The following XKR9 variants were observed in gnomAD, a reference collection of about 807,000 sequenced individuals.
The protein encoded by XKR9 is XK related 9.
A neutral mutation model predicts 32.0 loss-of-function variants in XKR9; 32 were observed. The observed-to-expected ratio is 1.00, with a 90% CI of 0.76 to 1.34. The LOEUF (loss-of-function observed/expected upper bound fraction) is 1.34. Ranked by LOEUF, XKR9 falls within the 40% of genes most tolerant of loss-of-function variation. The pLI, the probability that XKR9 is intolerant of heterozygous loss-of-function variation, is 0.00. For synonymous variants in XKR9, 168 were observed against 143.4 expected (o/e 1.17, Z -1.22); for missense variants, 546 against 429.7 (o/e 1.27, Z -2.39).
At chr8:70,818,158 G>A in the XKR9 span, among the ~76,000 whole-genome samples, 2 of 151,846 alleles carry the variant, frequency 1.3e-5, no homozygotes, top group Non-Finnish European at 2.9e-5. Flanking sequence ...AAACTATCAA[G>A]AGAGTGTTTT....
the XKR9 span, among the ~76,000 whole-genome samples, chr8:71,038,750 CAA>C: frequency 3.9e-3 from 378 of 97,504 alleles, no homozygotes; most frequent in East Asian, 0.014. Context: ...TCTCAATTTT[CAA>C]AAAAAAAAAA....
chr8:70,772,826 G>A (rs1018280823), intron 2 of XKR9, among the ~76,000 whole-genome samples: 1 of 152,112 alleles, frequency 6.6e-6, no homozygotes, highest in Non-Finnish European at 1.5e-5. Flanking sequence ...CCAAATGTTT[G>A]TCTTCCCAAT....
chr8:70,938,621 T>G, the XKR9 span, among the ~76,000 whole-genome samples: 5 of 152,034 alleles, frequency 3.3e-5, no homozygotes, highest in African/African-American at 9.7e-5. Context: ...GGATTTAGGA[T>G]GTTGAAAGAT....
At chr8:70,810,047 G>C in the XKR9 span, among the ~76,000 whole-genome samples, 19 of 152,086 alleles carry the variant, frequency 1.2e-4, no homozygotes, top group Non-Finnish European at 2.4e-4. Flanking sequence ...AGAGAAAGGT[G>C]GGGTTACCCA....
chr8:70,842,846 T>C, the XKR9 span, among the ~76,000 whole-genome samples: 3 of 152,190 alleles, frequency 2.0e-5, no homozygotes, highest in African/African-American at 7.2e-5. Flanking sequence ...TTGAGGCTCC[T>C]TTTTCTCTCC....
chr8:70,756,101 C>T (rs184491289), intron 2 of XKR9, among the ~76,000 whole-genome samples: 3 of 151,920 alleles, frequency 2.0e-5, no homozygotes, highest in African/African-American at 7.3e-5. Context: ...ATCCAGTTAC[C>T]CCCGTACCAT....
chr8:70,899,870 A>AGCT, the XKR9 span, among the ~76,000 whole-genome samples: 1 of 152,208 alleles, frequency 6.6e-6, no homozygotes, highest in Non-Finnish European at 1.5e-5. Context: ...CTAATAACAA[A>AGCT]GCTGAGATCA....
At chr8:70,903,636 G>T in the XKR9 span, among the ~76,000 whole-genome samples, 1 of 151,770 alleles carries the variant, frequency 6.6e-6, no homozygotes, top group Non-Finnish European at 1.5e-5. Flanking sequence ...TCTCTCTCTC[G>T]TTCAATTCTG....
the XKR9 span, among the ~76,000 whole-genome samples, chr8:70,916,621 C>T: frequency 6.6e-6 from 1 of 152,138 alleles, no homozygotes; most frequent in Non-Finnish European, 1.5e-5. Flanking sequence ...AGATTAGCTT[C>T]TTATTCTTGA....
At chr8:70,778,164 C>A (rs1469950697) in intron 2 of XKR9, among the ~76,000 whole-genome samples, 1 of 152,198 alleles carries the variant, frequency 6.6e-6, no homozygotes, top group East Asian at 1.9e-4. Context: ...TTTCAGCTTT[C>A]TACATATGGC....
rs1338853877 is a variant in XKR9 at position 70,669,394 on chromosome 8, A to AGGCGTGAGGT, written c.-495_-486dup. 1.2e-5 allele frequency: 5 copies of AGGCGTGAGGT among 431,806 alleles called. No homozygotes were observed. Among genetic ancestry groups the AGGCGTGAGGT allele is most frequent in the Non-Finnish European group, 1.7e-5 (4 of 239,838 alleles). 26.7% of individuals were successfully genotyped at this position (431,806 alleles called of 1,614,324 possible). A position where few individuals can be genotyped will look rare whatever the true frequency, so the allele number is the denominator to read the frequency against. ...GGGCAGTGGTGGGAAGGCTGGCGCGAGGCGTGAGGTGGCGTGAGGCGAAGC... is the reference window on the plus strand; with the variant it reads ...GGGCAGTGGTGGGAAGGCTGGCGCGAGGCGTGAGGTGGCGTGAGGTGGCGTGAGGCGAAGC... On this transcript the variant is annotated 5_prime_UTR_variant, in exon 1 of 5. Transcript: ENST00000408926.
In XKR9 at chr8:70,674,882, G is replaced by C. The variant is rs982291487; in HGVS notation, c.-296G>C. On this transcript the variant is annotated 5_prime_UTR_variant, in exon 2 of 5. Transcript: ENST00000408926. ...CAGAAGGGACTTTGAGTCAAAGATG[G>C]CTTTTTATATTTGACAAGTAAGTCT... The C allele has an allele frequency of 6.6e-6, 1 of 152,186 alleles. No homozygotes were observed. Among genetic ancestry groups the C allele is most frequent in the Admixed American group, 6.5e-5 (1 of 15,284 alleles). The allele number at this position is 152,186 out of a possible 1,614,324, so 9.4% of individuals were successfully genotyped here.
chr8:70,819,386 A>T, the XKR9 span, among the ~76,000 whole-genome samples: 2 of 152,248 alleles, frequency 1.3e-5, no homozygotes, highest in South Asian at 4.1e-4. Flanking sequence ...AGTTTCCAGC[A>T]TGTTACTAAC....
the XKR9 span, among the ~76,000 whole-genome samples, chr8:70,993,443 G>A: frequency 6.6e-6 from 1 of 152,128 alleles, no homozygotes; most frequent in Non-Finnish European, 1.5e-5. Context: ...ACTCAAGTCT[G>A]TGATTCCCCT....
At chr8:70,814,584 A>C in the XKR9 span, among the ~76,000 whole-genome samples, 2 of 152,126 alleles carry the variant, frequency 1.3e-5, no homozygotes. Flanking sequence ...CAAACTAGAA[A>C]GAACATATCT....
the XKR9 span, among the ~76,000 whole-genome samples, chr8:71,016,001 C>T: frequency 1.3e-5 from 2 of 152,056 alleles, no homozygotes; most frequent in African/African-American, 2.4e-5. Context: ...CACACCAAAC[C>T]GATTTATAGC....
At chr8:70,874,880 C>T in the XKR9 span, among the ~76,000 whole-genome samples, 1 of 152,124 alleles carries the variant, frequency 6.6e-6, no homozygotes, top group Non-Finnish European at 1.5e-5. Flanking sequence ...AGTGGAAGAG[C>T]ATGCCTTTTT....
the XKR9 span, among the ~76,000 whole-genome samples, chr8:70,989,767 C>T: frequency 6.6e-6 from 1 of 152,196 alleles, no homozygotes; most frequent in Admixed American, 6.5e-5. Context: ...GTGCAACCCT[C>T]ACCACTTTCA....
chr8:70,922,410 A>C, the XKR9 span, among the ~76,000 whole-genome samples: 1 of 152,242 alleles, frequency 6.6e-6, no homozygotes, highest in East Asian at 1.9e-4. Context: ...AGATAATTCC[A>C]TTGATTTCCA....
Sources: gnomAD v4.1 joint callset for allele counts (sites outside exome capture counted in the v4.1 genomes callset) on GRCh38, gnomAD v4.1.1 for gene constraint, MANE v1.5 for transcripts, NCBI Gene and HGNC (gene_info 2026-07-23, HGNC 2026-07-21) for gene names.